Variants in YTHDF3 observed in about 807,000 individuals in gnomAD.
YTHDF3 encodes the protein YTH domain-containing family protein 3.
Under a neutral mutation model 52.5 loss-of-function variants are expected in YTHDF3, and 9 were observed. The observed-to-expected ratio is 0.17, with a 90% CI of 0.10 to 0.30. The LOEUF is 0.30. Among genes scored for constraint, YTHDF3 ranks in the 10% least tolerant of loss-of-function variants. The pLI, the probability that YTHDF3 is intolerant of heterozygous loss-of-function variation, is 1.00. For synonymous variants in YTHDF3, 274 were observed against 243.3 expected (o/e 1.13, Z -1.18); for missense variants, 534 against 715.0 (o/e 0.75, Z 2.89).
intron 3 of YTHDF3, 78 bp from the exon 4 acceptor site, chr8:63,186,069 G>A (rs1227533572): frequency 2.2e-6 from 3 of 1,383,858 alleles, no homozygotes; most frequent in South Asian, 2.9e-5. Flanking sequence ...AAAACTTCTT[G>A]ATTTTAATCT....
intron 4 of YTHDF3, among the ~76,000 whole-genome samples, chr8:63,204,008 T>G (rs899328057): frequency 2.0e-5 from 3 of 152,190 alleles, no homozygotes; most frequent in Non-Finnish European, 4.4e-5. Context: ...CTTTGTGTAC[T>G]CTGTTCCTAG....
Position 63,203,875 on chromosome 8 carries a change from G to T in YTHDF3, c.1735-5808G>T, listed in dbSNP as rs376575434. ...ACTGGGGGTTATGGATTTTTGAGAA[G>T]TATACCACAGAAGTGATGTATCCTC... On this transcript the variant is annotated intron_variant, in intron 4 of 4. Transcript: ENST00000539294. 2.3e-4 allele frequency among the ~76,000 whole-genome samples: 35 copies of T among 152,324 alleles called. No homozygotes were observed. The East Asian group carries it at 5.0e-3, about 22-fold the overall frequency.
chr8:63,200,618 A>G (rs980770655), intron 4 of YTHDF3, among the ~76,000 whole-genome samples: 3 of 152,004 alleles, frequency 2.0e-5, no homozygotes, highest in Admixed American at 1.3e-4. Context: ...TTATGGGTGG[A>G]CCATATGGTT....
intron 2 of YTHDF3, 154 bp downstream of exon 2, chr8:63,169,565 C>A: frequency 1.3e-6 from 1 of 795,064 alleles, no homozygotes; most frequent in Non-Finnish European, 2.0e-6. Context: ...CAAGTTCTAT[C>A]CAGAACTTCG....
chr8:63,207,274 T>C (rs1257177905), intron 4 of YTHDF3, among the ~76,000 whole-genome samples: 3 of 152,176 alleles, frequency 2.0e-5, no homozygotes, highest in Admixed American at 2.0e-4. Flanking sequence ...CTTTGTGTTA[T>C]TGTATGTCTC....
intron 4 of YTHDF3, among the ~76,000 whole-genome samples, chr8:63,191,369 T>G (rs1808902611): frequency 6.6e-6 from 1 of 152,142 alleles, no homozygotes; most frequent in African/African-American, 2.4e-5. Context: ...TCACATATTT[T>G]TCAGTGTATT....
chr8:63,177,762 T>A lies in YTHDF3; in HGVS notation c.135+2346T>A, dbSNP rs1005849337. On this transcript the variant is annotated intron_variant, in intron 3 of 4. Coordinates refer to ENST00000539294, the MANE Select transcript of YTHDF3 (RefSeq NM_152758.6). ...ATCCTGACTTGTTCAAACTCTTATT[T>A]TTTTTTTTTTTTTGAAACGGAGTCT... Among the ~76,000 whole-genome samples, 7 of 151,188 alleles carry A rather than the reference T, an allele frequency of 4.6e-5. 1 individual carries two copies. The highest frequency in any genetic ancestry group is 1.2e-4 in the African/African-American group (5 of 41,258).
intron 2 of YTHDF3, among the ~76,000 whole-genome samples, chr8:63,173,423 G>T (rs757423603): frequency 2.0e-5 from 3 of 151,654 alleles, no homozygotes; most frequent in Non-Finnish European, 4.4e-5. Flanking sequence ...AACATTTTTC[G>T]TAAAGGTGGG....
At chr8:63,175,483 A>G (rs775793940) in intron 3 of YTHDF3, 67 bp downstream of exon 3, 30 of 1,252,810 alleles carry the variant, frequency 2.4e-5, no homozygotes, top group Admixed American at 4.0e-5. Context: ...GATTTTTCAA[A>G]TAGATTATTT....
At chr8:63,184,612 G>A (rs976727282) in intron 3 of YTHDF3, among the ~76,000 whole-genome samples, 6 of 152,192 alleles carry the variant, frequency 3.9e-5, no homozygotes, top group African/African-American at 1.4e-4. Context: ...GTTCCAGGCA[G>A]GATCTATGAC....
At chr8:63,207,913 A>AT (rs1474356259) in intron 4 of YTHDF3, among the ~76,000 whole-genome samples, 1 of 152,184 alleles carries the variant, frequency 6.6e-6, no homozygotes, top group Non-Finnish European at 1.5e-5. Flanking sequence ...ATCCAAAGCT[A>AT]TTTATTTCCT....
intron 3 of YTHDF3, among the ~76,000 whole-genome samples, chr8:63,176,934 C>T (rs559214708): frequency 1.1e-3 from 172 of 152,270 alleles, no homozygotes; most frequent in African/African-American, 4.0e-3. Flanking sequence ...CTGCCTCAGC[C>T]TCCCAAAGTG....
At chr8:63,169,226 T>A in intron 1 of YTHDF3, 161 bp from the exon 2 acceptor site, 1 of 1,300,350 alleles carries the variant, frequency 7.7e-7, no homozygotes, top group Non-Finnish European at 1.0e-6. Flanking sequence ...GTTTAAAGGC[T>A]GGGGGTGGTT....
intron 4 of YTHDF3, among the ~76,000 whole-genome samples, chr8:63,196,772 A>T (rs994857110): frequency 2.0e-5 from 3 of 152,084 alleles, no homozygotes; most frequent in African/African-American, 7.2e-5. Flanking sequence ...GTGTTTAATT[A>T]TATCAGTGAG....
At chr8:63,208,265 A>G (rs1810164223) in intron 4 of YTHDF3, among the ~76,000 whole-genome samples, 1 of 152,190 alleles carries the variant, frequency 6.6e-6, no homozygotes, top group South Asian at 2.1e-4. Flanking sequence ...ATAAAAAAGA[A>G]AGGACTTTTA....
Position 63,186,683 on chromosome 8 carries a change from T to C in YTHDF3, c.672T>C (p.Ser224=). ...SSGMTSIATN[S]VPPVSSAAPK... ...GTATGACTAGCATTGCAACCAATAGTGTGCCCCCAGTTAGCAGTGCAGCAC... is the reference window on the plus strand; with the variant it reads ...GTATGACTAGCATTGCAACCAATAGCGTGCCCCCAGTTAGCAGTGCAGCAC... The change falls in exon 4 of 5, where the codon AGT becomes AGC. Residue 224 remains serine, a synonymous_variant. Transcript: ENST00000539294. 1 of 1,613,960 alleles carries C rather than the reference T, an allele frequency of 6.2e-7. No homozygotes were observed. Among genetic ancestry groups the C allele is most frequent in the South Asian group, 1.1e-5 (1 of 91,080 alleles).
intron 2 of YTHDF3, among the ~76,000 whole-genome samples, chr8:63,171,073 C>T (rs1807293343): frequency 6.6e-6 from 1 of 152,124 alleles, no homozygotes; most frequent in Admixed American, 6.5e-5. Flanking sequence ...GACACATACA[C>T]AAAGTGTTTA....
Position 63,175,374 on chromosome 8 carries a change from T to A in YTHDF3, c.93T>A (p.Asn31Lys). ...CGATTCATCAAAAAGATGCTGTAAA[T>A]GATGATGATTTTGAGCCATACTTAA... ...NGSIHQKDAV[N>K]DDDFEPYLSS... is the part of the protein sequence containing the mutation. The change falls in exon 3 of 5, where the codon AAT (asparagine) becomes AAA (lysine). Residue 31 changes from asparagine to lysine, a missense_variant. Transcript: ENST00000539294. 1.2e-6 allele frequency: 2 copies of A among 1,611,942 alleles called. No homozygotes were observed. The highest frequency in any genetic ancestry group is 1.7e-6 in the Non-Finnish European group (2 of 1,178,806).
rs777141956 is a variant in YTHDF3 at position 63,211,430 on chromosome 8, T to G, written c.*1724T>G. Reference sequence around the variant, plus strand: ...ATCTTGTAACATGTCTCTTAACTATTTATAATGAAAAGTGGCATTTGGGTA... The same window carrying G: ...ATCTTGTAACATGTCTCTTAACTATGTATAATGAAAAGTGGCATTTGGGTA... On this transcript the variant is annotated 3_prime_UTR_variant, in exon 5 of 5. Transcript: ENST00000539294. 1.3e-5 allele frequency: 2 copies of G among 152,572 alleles called. No individual in the cohort carries two copies. Among genetic ancestry groups the G allele is most frequent in the Non-Finnish European group, 2.9e-5 (2 of 68,008 alleles). 9.5% of individuals were successfully genotyped at this position (152,572 alleles called of 1,614,324 possible). A position where few individuals can be genotyped will look rare whatever the true frequency, so the allele number is the denominator to read the frequency against.
Sources: gnomAD v4.1 joint callset for allele counts (sites outside exome capture counted in the v4.1 genomes callset) on GRCh38, gnomAD v4.1.1 for gene constraint, MANE v1.5 for transcripts, NCBI Gene and HGNC (gene_info 2026-07-23, HGNC 2026-07-21) for gene names.